TG: variants seen among roughly 807,000 people sequenced by gnomAD.
TG encodes the protein thyroid hormones.
A neutral mutation model predicts 324.7 loss-of-function variants in TG; 270 were observed. That is an observed-to-expected ratio of 0.83 (90% CI 0.75 to 0.92). TG has a LOEUF of 0.92. Among genes scored for constraint, TG ranks in the 40% least tolerant of loss-of-function variants. TG has a pLI of 0.00. For synonymous variants in TG, 1,401 were observed against 1,327.0 expected (o/e 1.06, Z -1.21); for missense variants, 3,591 against 3,456.4 (o/e 1.04, Z -0.98).
At chr8:133,071,594 C>A (rs12545138) in intron 41 of TG, among the ~76,000 whole-genome samples, 29,316 of 151,854 alleles carry the variant, frequency 0.19, 3,127 homozygotes, top group Non-Finnish European at 0.24. Flanking sequence ...CAGAGGATGC[C>A]TATTTTGAGC....
intron 27 of TG, among the ~76,000 whole-genome samples, chr8:132,950,258 C>A (rs1330966576): frequency 1.3e-5 from 2 of 152,316 alleles, no homozygotes; most frequent in East Asian, 3.9e-4. Context: ...AAAGCACCTC[C>A]ATGCTTCCAC....
chr8:133,078,023 G>T (rs1437286499), intron 41 of TG, among the ~76,000 whole-genome samples: 1 of 152,194 alleles, frequency 6.6e-6, no homozygotes, highest in Non-Finnish European at 1.5e-5. Flanking sequence ...GTAAAGTGCT[G>T]CCCTGAGGGC....
intron 31 of TG, 35 bp downstream of exon 31, chr8:132,968,005 T>A (rs754567886): frequency 6.2e-7 from 1 of 1,608,766 alleles, no homozygotes. Flanking sequence ...AAACTGTATT[T>A]CCAATGTTCT....
At chr8:133,030,125 T>C in intron 41 of TG, 102 bp downstream of exon 41, 1 of 1,424,516 alleles carries the variant, frequency 7.0e-7, no homozygotes, top group Admixed American at 1.7e-5. Flanking sequence ...TGCTTGGGTT[T>C]CCCTTGTCCT....
intron 41 of TG, among the ~76,000 whole-genome samples, chr8:133,081,951 T>C (rs1190805009): frequency 2.0e-5 from 3 of 152,236 alleles, no homozygotes; most frequent in Non-Finnish European, 4.4e-5. Flanking sequence ...AACAGGCATC[T>C]CATTTCTAAG....
intron 45 of TG, among the ~76,000 whole-genome samples, chr8:133,130,834 G>A (rs1437424712): frequency 6.6e-6 from 1 of 152,102 alleles, no homozygotes; most frequent in African/African-American, 2.4e-5. Context: ...AGCGCCTCCC[G>A]AGAAACAGGC....
chr8:132,980,944 T>A (rs1284210387), intron 34 of TG, among the ~76,000 whole-genome samples: 1 of 152,160 alleles, frequency 6.6e-6, no homozygotes, highest in East Asian at 1.9e-4. Context: ...GATAACTGCA[T>A]GCCAAATGCT....
At chr8:133,102,414 C>A in intron 43 of TG, 1 of 700,966 alleles carries the variant, frequency 1.4e-6, no homozygotes, top group Non-Finnish European at 2.5e-6. Flanking sequence ...AGCAGAGACC[C>A]ACCCATTTTC....
At position 133,113,589 on chromosome 8, in the gene TG, G is replaced by GGAGAATGCCACCCGGTAA; in HGVS notation, c.7742_7754+5dup. Reference sequence around the variant, plus strand: ...ACTATGCCTCCTTCTCCCGGGCTCTGGAGAATGCCACCCGGTAAGCTAAGC... The same window carrying GGAGAATGCCACCCGGTAA: ...ACTATGCCTCCTTCTCCCGGGCTCTGGAGAATGCCACCCGGTAAGAGAATGCCACCCGGTAAGCTAAGC... On this transcript the variant is annotated stop_gained and inframe_insertion, in exon 44 of 48. Transcript: ENST00000220616. LOFTEE classifies it high-confidence loss of function. 6.2e-7 allele frequency: 1 copy of GGAGAATGCCACCCGGTAA among 1,614,096 alleles called. No homozygotes were observed. Among genetic ancestry groups the GGAGAATGCCACCCGGTAA allele is most frequent in the Non-Finnish European group, 8.5e-7 (1 of 1,180,002 alleles).
intron 18 of TG, 53 bp from the exon 19 acceptor site, chr8:132,911,324 A>G (rs1326779965): frequency 6.2e-7 from 1 of 1,613,942 alleles, no homozygotes; most frequent in Non-Finnish European, 8.5e-7. Context: ...GGACCCAACA[A>G]AACTAGCTTT....
Position 133,113,506 on chromosome 8 carries a change from G to A in TG, c.7657G>A (p.Asp2553Asn), listed in dbSNP as rs535231848. Residue 2553 changes from aspartate to asparagine, a missense_variant, in exon 44 of 48, where the codon GAT becomes AAT. Asp to Asn is a conservative substitution (Grantham distance 23). Transcript: ENST00000220616. ...LQNSLGGEDS[D>N]ARVEAAATWY... Reference sequence around the variant, plus strand: ...GAATTCTCTGGGTGGCGAGGACTCAGATGCCCGCGTCGAGGCTGCTGCTAC... The same window carrying A: ...GAATTCTCTGGGTGGCGAGGACTCAAATGCCCGCGTCGAGGCTGCTGCTAC... 2.4e-5 allele frequency: 38 copies of A among 1,614,082 alleles called. No homozygotes were observed. The Admixed American group carries it at 3.3e-4, about 14-fold the overall frequency.
chr8:133,043,050 T>C (rs1838615873), intron 41 of TG, among the ~76,000 whole-genome samples: 1 of 152,126 alleles, frequency 6.6e-6, no homozygotes, highest in South Asian at 2.1e-4. Context: ...TGGCTCCCAC[T>C]TGGAGATTCT....
chr8:133,014,364 G>A (rs1834831260), intron 37 of TG, among the ~76,000 whole-genome samples: 1 of 152,196 alleles, frequency 6.6e-6, no homozygotes, highest in Non-Finnish European at 1.5e-5. Flanking sequence ...TCCAGGCAAG[G>A]CAAGAGGGAG....
At chr8:133,106,677 G>T (rs892690598) in intron 43 of TG, among the ~76,000 whole-genome samples, 2 of 151,982 alleles carry the variant, frequency 1.3e-5, no homozygotes, top group African/African-American at 4.8e-5. Context: ...GGCACAACTG[G>T]GACCCTCACT....
In TG at chr8:132,982,095, G is replaced by A. The variant is rs774883959; in HGVS notation, c.6200-1255G>A. On this transcript the variant is annotated intron_variant, in intron 34 of 47. Coordinates refer to ENST00000220616, the MANE Select transcript of TG (RefSeq NM_003235.5). The stretch of plus-strand genomic sequence containing the variant: ...GAATCATACACAGGATGTATTGAAC[G>A]TTTACTATATGATCAGAGCTGCACC... Among the ~76,000 whole-genome samples, 108 of 152,172 alleles carry A rather than the reference G, an allele frequency of 7.1e-4. 1 individual carries two copies. Among genetic ancestry groups the A allele is most frequent in the Non-Finnish European group, 7.1e-4 (48 of 68,040 alleles).
rs141011127 is a variant in TG at position 132,888,075 on chromosome 8, C to T, written c.2268C>T (p.Ser756=). 39 of 1,614,010 alleles carry T rather than the reference C, an allele frequency of 2.4e-5. No individual in the cohort carries two copies. The highest frequency in any genetic ancestry group is 8.0e-5 in the African/African-American group (6 of 74,906). The part of the protein sequence containing the change: ...LSNSSMLPTL[S]DTYIPQCSTD... ...ACTCCAGCATGCTACCCACCCTTTC[C>T]GACACCTACATCCCACAGTGCAGCA... Residue 756 remains serine (S), a synonymous_variant, in exon 10 of 48, where the codon TCC becomes TCT. Coordinates refer to ENST00000220616, the MANE Select transcript of TG (RefSeq NM_003235.5).
At chr8:133,127,781 A>G (rs1851631981) in intron 45 of TG, among the ~76,000 whole-genome samples, 1 of 152,118 alleles carries the variant, frequency 6.6e-6, no homozygotes, top group African/African-American at 2.4e-5. Context: ...GTTTTCTGCC[A>G]GCTGCACCAG....
intron 25 of TG, 31 bp downstream of exon 25, chr8:132,935,895 C>G: frequency 6.4e-7 from 1 of 1,569,244 alleles, no homozygotes; most frequent in South Asian, 1.1e-5. Context: ...GGCTTAGGCC[C>G]GCGGTGGCTT....
Position 132,886,957 on chromosome 8 carries a change from A to C in TG, c.1585A>C (p.Asn529His). 6.2e-7 allele frequency: 1 copy of C among 1,614,182 alleles called. No homozygotes were observed. The highest frequency in any genetic ancestry group is 1.6e-4 in the Middle Eastern group (1 of 6,062). Residue 529 changes from asparagine to histidine, a missense_variant, in exon 9 of 48, where the codon AAT becomes CAT. Coordinates refer to ENST00000220616, the MANE Select transcript of TG (RefSeq NM_003235.5). ...GCCACTCTCTGTGGGATTAGATTCA[A>C]ATTCTTCCACAGGAACCCCTGAAGC... is the stretch of plus-strand genomic sequence containing the variant. ...AKPLSVGLDS[N>H]SSTGTPEAAK... is the part of the protein sequence containing the mutation.
Sources: allele counts gnomAD v4.1 joint callset (sites outside exome capture counted in the v4.1 genomes callset), GRCh38; gene constraint gnomAD v4.1.1; transcripts MANE v1.5; gene names NCBI Gene and HGNC (gene_info 2026-07-23, HGNC 2026-07-21).